Variants in PARVB observed in about 807,000 individuals in gnomAD.
PARVB encodes the protein beta-parvin.
Under a neutral mutation model 47.0 loss-of-function variants are expected in PARVB, and 46 were observed. That is an observed-to-expected ratio of 0.98 (90% CI 0.77 to 1.25). The LOEUF is 1.25. Among genes scored for constraint, PARVB ranks in the 50% most tolerant of loss-of-function variants. PARVB has a pLI of 0.00. For synonymous variants in PARVB, 196 were observed against 196.3 expected, an observed-to-expected ratio of 1.00 and a Z score of 0.01; for missense variants, 473 against 471.6, an observed-to-expected ratio of 1.00 and a Z score of -0.03.
At chr22:44,118,391 T>C (rs2052961919) in intron 3 of PARVB, among the ~76,000 whole-genome samples, 1 of 152,258 alleles carries the variant, frequency 6.6e-6, no homozygotes, top group South Asian at 2.1e-4. Flanking sequence ...TCACACACTT[T>C]TAAAGGATGA....
intron 2 of PARVB, among the ~76,000 whole-genome samples, chr22:44,012,026 G>A (rs977087089): frequency 2.0e-5 from 3 of 152,198 alleles, no homozygotes; most frequent in African/African-American, 7.2e-5. Flanking sequence ...ACCCACCTAA[G>A]AGGTCCTGGC....
intron 2 of PARVB, among the ~76,000 whole-genome samples, chr22:44,009,808 CT>C (rs546290064): frequency 0.23 from 30,110 of 132,588 alleles, 2,765 homozygotes; most frequent in African/African-American, 0.31. Context: ...GCATATGAAT[CT>C]TTTTTTTTTT....
At chr22:44,094,942 C>T (rs529317435) in intron 2 of PARVB, among the ~76,000 whole-genome samples, 26 of 151,462 alleles carry the variant, frequency 1.7e-4, no homozygotes, top group African/African-American at 6.0e-4. Flanking sequence ...TTCCACACCA[C>T]GTGGCGTGGC....
intron 1 of PARVB, among the ~76,000 whole-genome samples, chr22:44,032,944 T>A (rs1480440760): frequency 1.3e-5 from 2 of 152,242 alleles, no homozygotes; most frequent in East Asian, 1.9e-4. Context: ...TCAGCAGCAC[T>A]GGCTGCTTTA....
At position 44,027,014 on chromosome 22, in the gene PARVB, T is replaced by C. The variant is rs575023280; in HGVS notation, c.112+2563T>C. ...TGGAGGAAGCAGTGCAGGAAGTGTCTGAGAATGAGCTTCACGGTGGGCGTG... is the reference window on the plus strand; with the variant it reads ...TGGAGGAAGCAGTGCAGGAAGTGTCCGAGAATGAGCTTCACGGTGGGCGTG... On this transcript the variant is annotated intron_variant, in intron 1 of 12. Transcript: ENST00000338758. Among the ~76,000 whole-genome samples the C allele has an allele frequency of 3.3e-5, 5 of 151,528 alleles. No individual in the cohort carries two copies. In the East Asian group the frequency reaches 9.8e-4, roughly 30 times the overall value.
chr22:44,146,805 G>T (rs2053695495), intron 8 of PARVB: 1 of 152,538 alleles, frequency 6.6e-6, no homozygotes, highest in Admixed American at 6.5e-5. Context: ...TCCCAGGGCT[G>T]CTCCTTGGGT....
chr22:44,002,297 G>T (rs555757241), intron 2 of PARVB, among the ~76,000 whole-genome samples: 18 of 152,338 alleles, frequency 1.2e-4, no homozygotes, highest in African/African-American at 4.3e-4. Flanking sequence ...AGCTTTCGGG[G>T]TCCTCCCCAG....
intron 1 of PARVB, among the ~76,000 whole-genome samples, chr22:44,090,320 G>T (rs1368310149): frequency 1.3e-5 from 2 of 152,190 alleles, no homozygotes; most frequent in South Asian, 4.1e-4. Flanking sequence ...CCTGGTCCCC[G>T]AAGCCTTTGC....
Position 44,131,542 on chromosome 22 carries a change from G to T in PARVB, c.432G>T (p.Gly144=). ...CTGAGGTGACACAGTCCGAAATAGG[G>T]CAGAAACAGAAGCTGCAGACGGTGC... ...NVAEVTQSEI[G]QKQKLQTVLE... is the part of the protein sequence containing the mutation. The change falls in exon 5 of 13, where the codon GGG becomes GGT. Residue 144 remains glycine (G), a synonymous_variant. Transcript: ENST00000338758. 1 of 1,614,194 alleles carries T rather than the reference G, an allele frequency of 6.2e-7. No individual in the cohort carries two copies. The highest frequency in any genetic ancestry group is 1.1e-5 in the South Asian group (1 of 91,082).
rs1296522215 is a variant in PARVB at position 44,168,959 on chromosome 22, C to T, written c.*281C>T. On this transcript the variant is annotated 3_prime_UTR_variant, in exon 13 of 13. Transcript: ENST00000338758. ...TTTGAAGCCTCGCGTCACTCAGTCG[C>T]GTGGGATGATGAGTCCGTTGTTGTC... 8.3e-6 allele frequency: 3 copies of T among 362,400 alleles called. No individual in the cohort carries two copies. Among genetic ancestry groups the T allele is most frequent in the East Asian group, 5.3e-5 (1 of 18,698 alleles). 22.4% of individuals were successfully genotyped at this position (362,400 alleles called of 1,614,324 possible). A position where few individuals can be genotyped will look rare whatever the true frequency, so the allele number is the denominator to read the frequency against.
At chr22:44,114,952 A>C (rs1260451374) in intron 3 of PARVB, 1 of 114,492 alleles carries the variant, frequency 8.7e-6, no homozygotes. Context: ...AAGGCCCTGC[A>C]CCAACACAGA....
intron 1 of PARVB, among the ~76,000 whole-genome samples, chr22:44,082,066 T>C (rs1490429637): frequency 2.0e-5 from 3 of 151,966 alleles, no homozygotes; most frequent in Admixed American, 6.6e-5. Context: ...GCACTGGAGC[T>C]GAGGGTGAGG....
chr22:44,100,172 G>A, intron 3 of PARVB, 49 bp downstream of exon 3: 1 of 1,467,392 alleles, frequency 6.8e-7, no homozygotes, highest in Non-Finnish European at 9.6e-7. Flanking sequence ...GCGAGGACTT[G>A]GCTTTGGGGT....
intron 3 of PARVB, chr22:44,112,833 C>A (rs2052738804): frequency 1.6e-5 from 2 of 126,412 alleles, no homozygotes; most frequent in South Asian, 2.1e-4. Context: ...TGCACCAACA[C>A]AGATACGTTG....
At chr22:44,153,221 T>C (rs944100100) in intron 10 of PARVB, 1 of 152,252 alleles carries the variant, frequency 6.6e-6, no homozygotes, top group Non-Finnish European at 1.5e-5. Context: ...AGGTGAAAAG[T>C]AAAAATCTTC....
intron 3 of PARVB, chr22:44,115,064 C>G (rs1453912715): frequency 1.1e-5 from 1 of 90,132 alleles, no homozygotes; most frequent in Non-Finnish European, 2.2e-5. Flanking sequence ...CCTGCACCAA[C>G]ACAGATACAT....
chr22:44,165,586 G>A (rs1375080759), intron 12 of PARVB, among the ~76,000 whole-genome samples: 1 of 152,242 alleles, frequency 6.6e-6, no homozygotes, highest in East Asian at 1.9e-4. Flanking sequence ...TCCTTGAACA[G>A]GTTACTTTGC....
intron 1 of PARVB, chr22:44,039,909 G>A (rs1469761475): frequency 1.1e-5 from 5 of 453,348 alleles, no homozygotes; most frequent in African/African-American, 2.0e-5. Context: ...CGAACTCCTG[G>A]CCTCCAGTGA....
chr22:44,099,271 T>C (rs947721979), intron 2 of PARVB, among the ~76,000 whole-genome samples: 5 of 152,176 alleles, frequency 3.3e-5, no homozygotes, highest in African/African-American at 7.2e-5. Context: ...CTGTGTGTGT[T>C]CAGAGGTGCT....
Sources: allele counts gnomAD v4.1 joint callset (sites outside exome capture counted in the v4.1 genomes callset), GRCh38; gene constraint gnomAD v4.1.1; transcripts MANE v1.5; gene names NCBI Gene and HGNC (gene_info 2026-07-23, HGNC 2026-07-21).